SPAST: variants seen among roughly 807,000 people sequenced by gnomAD.
SPAST encodes spastin.
Under a neutral mutation model 76.6 loss-of-function variants are expected in SPAST, and 30 were observed. The ratio of observed to expected loss-of-function variants is 0.39; its 90% CI spans 0.29 to 0.53. SPAST has a LOEUF of 0.53. SPAST is among the 20% of genes least tolerant of loss of function. The pLI, the probability that SPAST is intolerant of heterozygous loss-of-function variation, is 0.68. For synonymous variants in SPAST, 305 were observed against 281.0 expected (o/e 1.09, Z -0.86); for missense variants, 717 against 770.5 (o/e 0.93, Z 0.82).
intron 4 of SPAST, 103 bp from the exon 5 acceptor site, chr2:32,114,535 G>T: frequency 1.1e-6 from 1 of 878,282 alleles, no homozygotes; most frequent in Non-Finnish European, 1.8e-6. Context: ...AAATATTTTT[G>T]AATTAAAAAA....
intron 1 of SPAST, among the ~76,000 whole-genome samples, chr2:32,065,391 T>TA (rs1181174311): frequency 2.6e-5 from 4 of 151,978 alleles, no homozygotes; most frequent in East Asian, 3.8e-4. Context: ...TTTTTCTTTT[T>TA]AAAAAAAATA....
chr2:32,121,829 C>G (rs1679031131), intron 7 of SPAST, among the ~76,000 whole-genome samples: 1 of 152,214 alleles, frequency 6.6e-6, no homozygotes, highest in Non-Finnish European at 1.5e-5. Flanking sequence ...CAGGCATGAG[C>G]CACCGTGCCC....
intron 6 of SPAST, 29 bp from the exon 7 acceptor site, chr2:32,116,090 G>A (rs774075379): frequency 1.2e-5 from 18 of 1,511,000 alleles, no homozygotes; most frequent in East Asian, 6.8e-5. Flanking sequence ...TGTTTGTATC[G>A]TAGAACTAAC....
intron 12 of SPAST, among the ~76,000 whole-genome samples, chr2:32,137,952 C>T (rs1679594716): frequency 6.6e-6 from 1 of 152,262 alleles, no homozygotes; most frequent in South Asian, 2.1e-4. Flanking sequence ...GTATTAAGGC[C>T]TCCACCTCCA....
chr2:32,115,843 T>C lies in SPAST; in HGVS notation c.1004+8T>C, dbSNP rs765310051. The C allele has an allele frequency of 3.7e-6, 6 of 1,601,886 alleles. No individual in the cohort carries two copies. In the South Asian group the frequency reaches 6.7e-5, roughly 18 times the overall value. On this transcript the variant is annotated splice_region_variant and intron_variant, in intron 6 of 16. Transcript: ENST00000315285. ...GAATGAAATTGTGGACAAGTAAGTT[T>C]TGCCATCTAAATGTTTTATTTTATA...
chr2:32,093,014 A>G (rs1573078552), intron 3 of SPAST, among the ~76,000 whole-genome samples: 1 of 145,366 alleles, frequency 6.9e-6, no homozygotes, highest in Admixed American at 6.9e-5. Context: ...CTCAAAAAAA[A>G]AAAAACGCCG....
intron 9 of SPAST, chr2:32,128,726 A>T (rs1200154353): frequency 2.1e-6 from 1 of 486,182 alleles, no homozygotes; most frequent in Non-Finnish European, 3.7e-6. Flanking sequence ...AAACATCAGC[A>T]ATTTATTGTC....
chr2:32,087,403 G>C (rs986762548), intron 1 of SPAST, 89 bp from the exon 2 acceptor site: 10 of 760,694 alleles, frequency 1.3e-5, no homozygotes, highest in Non-Finnish European at 2.0e-5. Flanking sequence ...TCACAACCCT[G>C]TTTTTTATGT....
At chr2:32,070,599 T>C (rs984630857) in intron 1 of SPAST, among the ~76,000 whole-genome samples, 2 of 152,236 alleles carry the variant, frequency 1.3e-5, no homozygotes, top group African/African-American at 2.4e-5. Flanking sequence ...ACATTAGTTA[T>C]GTGATTAACA....
chr2:32,141,110 C>T (rs1261401186), intron 12 of SPAST, among the ~76,000 whole-genome samples: 1 of 152,072 alleles, frequency 6.6e-6, no homozygotes, highest in African/African-American at 2.4e-5. Flanking sequence ...AACTAGCATG[C>T]AGCCTCCCTC....
At chr2:32,146,248 A>G (rs1679881404) in intron 15 of SPAST, among the ~76,000 whole-genome samples, 2 of 152,190 alleles carry the variant, frequency 1.3e-5, no homozygotes, top group Admixed American at 6.5e-5. Flanking sequence ...GTTTAAAAAA[A>G]GATTCGCATC....
In SPAST at chr2:32,078,703, C is replaced by G. The variant is rs564141466; in HGVS notation, c.416-8789C>G. 1.2e-4 allele frequency among the ~76,000 whole-genome samples: 18 copies of G among 152,098 alleles called. 1 individual carries two copies. The highest frequency in any genetic ancestry group is 2.6e-4 in the Admixed American group (4 of 15,256). ...TATAGAACTTGAAAATCTTCCTTAA[C>G]CTTACCATAAGGGAAATGATTACTA... On this transcript the variant is annotated intron_variant, in intron 1 of 16. Coordinates refer to ENST00000315285, the MANE Select transcript of SPAST (RefSeq NM_014946.4).
rs555324595 is a variant in SPAST, at chr2:32,125,837, C to T, written c.1099-1111C>T. On this transcript the variant is annotated intron_variant, in intron 7 of 16. Coordinates refer to ENST00000315285, the MANE Select transcript of SPAST (RefSeq NM_014946.4). ...TGAGACGGAGTTTTGCTCTGTCGCC[C>T]GGGTTGGAGTGCAGTGGCGCAATCT... is the stretch of plus-strand genomic sequence containing the variant. Among the ~76,000 whole-genome samples the T allele has an allele frequency of 1.5e-4, 23 of 152,166 alleles. No homozygotes were observed. The South Asian group carries it at 1.9e-3, about 12-fold the overall frequency.
chr2:32,105,484 C>G (rs956682534), intron 4 of SPAST, among the ~76,000 whole-genome samples: 1 of 152,174 alleles, frequency 6.6e-6, no homozygotes, highest in Non-Finnish European at 1.5e-5. Flanking sequence ...CTCTGTCTAG[C>G]TTTGTTCCGT....
chr2:32,142,216 A>C (rs1055322621), intron 13 of SPAST, among the ~76,000 whole-genome samples: 1 of 152,220 alleles, frequency 6.6e-6, no homozygotes, highest in East Asian at 1.9e-4. Flanking sequence ...CAAATGATCT[A>C]AAATGTTTAT....
chr2:32,115,666 G>T (rs963198581), intron 5 of SPAST, 36 bp from the exon 6 acceptor site: 2 of 1,497,616 alleles, frequency 1.3e-6, no homozygotes, highest in Non-Finnish European at 1.9e-6. Context: ...TAAATGTTAG[G>T]TTGTATTTTC....
At chr2:32,152,716 T>C (rs1020296249) in intron 16 of SPAST, among the ~76,000 whole-genome samples, 2 of 151,778 alleles carry the variant, frequency 1.3e-5, no homozygotes, top group African/African-American at 4.8e-5. Flanking sequence ...ATAGTGCTTA[T>C]GGGGTTTTCT....
rs185837539 is a variant in SPAST, at chr2:32,137,744, T to C, written c.1493+556T>C. Among the ~76,000 whole-genome samples, 19 of 152,268 alleles carry C rather than the reference T, an allele frequency of 1.2e-4. No homozygotes were observed. In the East Asian group the frequency reaches 3.7e-3, roughly 29 times the overall value. Reference sequence around the variant, plus strand: ...TTCTCTCTTTACTGGATGGGTTACGTGGGTATATTGCACCCAGGTAGTGAG... The same window carrying C: ...TTCTCTCTTTACTGGATGGGTTACGCGGGTATATTGCACCCAGGTAGTGAG... On this transcript the variant is annotated intron_variant, in intron 12 of 16. Coordinates refer to ENST00000315285, the MANE Select transcript of SPAST (RefSeq NM_014946.4).
intron 3 of SPAST, among the ~76,000 whole-genome samples, chr2:32,093,089 G>T (rs914943131): frequency 3.7e-4 from 56 of 151,614 alleles, no homozygotes; most frequent in African/African-American, 1.4e-3. Flanking sequence ...ATCACTTGAG[G>T]TCAGGAGTTC....
Sources: gnomAD v4.1 joint callset for allele counts (sites outside exome capture counted in the v4.1 genomes callset) on GRCh38, gnomAD v4.1.1 for gene constraint, MANE v1.5 for transcripts, NCBI Gene and HGNC (gene_info 2026-07-23, HGNC 2026-07-21) for gene names.